CLASRP: variants seen among roughly 807,000 people sequenced by gnomAD.
The protein encoded by CLASRP is CLK4-associating serine/arginine rich protein.
A neutral mutation model predicts 99.9 loss-of-function variants in CLASRP; 52 were observed. The ratio of observed to expected loss-of-function variants is 0.52; its 90% CI spans 0.42 to 0.66. The LOEUF is 0.66. CLASRP is among the 30% of genes least tolerant of loss of function. The pLI, the probability that CLASRP is intolerant of heterozygous loss-of-function variation, is 0.00. For synonymous variants in CLASRP, 379 were observed against 373.0 expected (o/e 1.02, Z -0.18); for missense variants, 848 against 999.2 (o/e 0.85, Z 2.04).
rs576225653 is a variant in CLASRP at position 45,067,179 on chromosome 19, G to A, written c.1410-158G>A. Among the ~76,000 whole-genome samples the A allele has an allele frequency of 2.5e-4, 38 of 152,330 alleles. No homozygotes were observed. Among genetic ancestry groups the A allele is most frequent in the Non-Finnish European group, 4.3e-4 (29 of 68,024 alleles). ...GTAGCCGGAGGGAGGCCGGAATGCC[G>A]CTCTGGGACATTTTGGAGGGAGAGT... is the stretch of plus-strand genomic sequence containing the variant. On this transcript the variant is annotated intron_variant, in intron 13 of 20. Transcript: ENST00000221455. This position sits in a 1 kb window ranked among gnomAD's most constrained non-coding sequence, Gnocchi z 4.9.
At chr19:45,053,211 G>C (rs1307897336) in intron 5 of CLASRP, 34 bp downstream of exon 5, 1 of 1,607,474 alleles carries the variant, frequency 6.2e-7, no homozygotes, top group East Asian at 2.2e-5. Context: ...GGGGTGTGGG[G>C]TTTGAGCCTG....
rs73941104 is a variant in CLASRP, at chr19:45,052,667, G to A, written c.198-124G>A. 3.0e-3 allele frequency: 2,063 copies of A among 680,980 alleles called. 29 individuals carry two copies. The African/African-American group carries it at 0.035, about 12-fold the overall frequency. The allele number at this position is 680,980 out of a possible 1,614,324, so 42.2% of individuals were successfully genotyped here. Reference sequence around the variant, plus strand: ...GCTGGGGGTTGAGGTGAGGGTCATGGCATGGGGACCAAAGCAGGCTGAGGG... The same window carrying A: ...GCTGGGGGTTGAGGTGAGGGTCATGACATGGGGACCAAAGCAGGCTGAGGG... On this transcript the variant is annotated intron_variant, in intron 3 of 20. Transcript: ENST00000221455.
chr19:45,058,063 C>G (rs1043768298), intron 7 of CLASRP, 165 bp downstream of exon 7: 1 of 791,730 alleles, frequency 1.3e-6, no homozygotes, highest in Non-Finnish European at 2.0e-6. Flanking sequence ...CTCCTGTCCT[C>G]CTCCGTTCCG....
chr19:45,044,528 G>A (rs1568410980), intron 2 of CLASRP, among the ~76,000 whole-genome samples: 1 of 152,144 alleles, frequency 6.6e-6, no homozygotes, highest in Non-Finnish European at 1.5e-5. Flanking sequence ...ACCTCTCTAA[G>A]CTTTTCACCT....
In CLASRP at chr19:45,052,145, G is replaced by A; in HGVS notation, c.174G>A (p.Leu58=). 1 of 1,614,002 alleles carries A rather than the reference G, an allele frequency of 6.2e-7. No individual in the cohort carries two copies. The highest frequency in any genetic ancestry group is 8.5e-7 in the Non-Finnish European group (1 of 1,179,998). ...CKVHLDSAVA[L]AAESPVNMMP... ...TGCACCTGGATTCTGCAGTCGCCCTGGCCGCTGAGAGCCCTGTTAATATGT... is the reference window on the plus strand; with the variant it reads ...TGCACCTGGATTCTGCAGTCGCCCTAGCCGCTGAGAGCCCTGTTAATATGT... The change falls in exon 3 of 21, where the codon CTG becomes CTA. Residue 58 remains leucine, a synonymous_variant. Coordinates refer to ENST00000221455, the MANE Select transcript of CLASRP (RefSeq NM_007056.3).
chr19:45,066,461 C>T (rs980779250), intron 13 of CLASRP, among the ~76,000 whole-genome samples: 8 of 151,480 alleles, frequency 5.3e-5, no homozygotes, highest in Non-Finnish European at 7.4e-5. Flanking sequence ...TTTATAAAAA[C>T]GCAATTCAAA....
intron 19 of CLASRP, 119 bp from the exon 20 acceptor site, chr19:45,070,418 A>G: frequency 1.1e-6 from 1 of 901,034 alleles, no homozygotes; most frequent in South Asian, 1.3e-5. Flanking sequence ...ACTCTCTGGA[A>G]ATGTCCCCTC....
intron 11 of CLASRP, among the ~76,000 whole-genome samples, chr19:45,063,427 T>A (rs1469701382): frequency 6.8e-6 from 1 of 147,038 alleles, no homozygotes; most frequent in East Asian, 2.0e-4. Flanking sequence ...TGTACAGAGA[T>A]CTGCTTATCT....
At position 45,039,093 on chromosome 19, in the gene CLASRP, A is replaced by T. The variant is rs1337876345; in HGVS notation, c.-45A>T. 6.6e-6 allele frequency: 1 copy of T among 151,888 alleles called. No individual in the cohort carries two copies. Among genetic ancestry groups the T allele is most frequent in the Non-Finnish European group, 1.5e-5 (1 of 68,004 alleles). The allele number at this position is 151,888 out of a possible 1,614,324, so 9.4% of individuals were successfully genotyped here. ...GGCCGCGCGCGAGCGCAGCGGTGGG[A>T]GGCGGCGACCAGCCGGTGAGTGCAG... On this transcript the variant is annotated 5_prime_UTR_variant, in exon 1 of 21. Transcript: ENST00000221455.
intron 2 of CLASRP, among the ~76,000 whole-genome samples, chr19:45,048,161 T>C (rs1041927031): frequency 6.6e-6 from 1 of 151,942 alleles, no homozygotes; most frequent in Non-Finnish European, 1.5e-5. Context: ...TGGGTTCAAA[T>C]CCTAGTTCTG....
Position 45,057,800 on chromosome 19 carries a change from T to C in CLASRP, c.515T>C (p.Val172Ala). The C allele has an allele frequency of 8.1e-6, 13 of 1,613,980 alleles. No individual in the cohort carries two copies. The highest frequency in any genetic ancestry group is 1.1e-5 in the Non-Finnish European group (13 of 1,179,930). ...SIGYTYEDST[V>A]AEVEKAAEKP... ...GGTTATACCTACGAGGACAGCACGG[T>C]GGCCGAGGTAGAGAAGGCGGCAGAA... Residue 172 changes from valine (V) to alanine (A), a missense_variant, in exon 7 of 21, where the codon GTG becomes GCG. Physicochemically the swap from Val to Ala is moderately conservative, Grantham distance 64 (BLOSUM62 0). Around this residue, in one of 8 missense-constraint regions of CLASRP, gnomAD observed 119 missense variants for 170.2 expected, o/e 0.70. Coordinates refer to ENST00000221455, the MANE Select transcript of CLASRP (RefSeq NM_007056.3).
intron 6 of CLASRP, among the ~76,000 whole-genome samples, chr19:45,056,744 G>T (rs764365995): frequency 6.6e-6 from 1 of 152,190 alleles, no homozygotes; most frequent in Non-Finnish European, 1.5e-5. Flanking sequence ...TACATTTTCA[G>T]CTTGGGAAGT....
chr19:45,053,315 G>A, intron 5 of CLASRP, 138 bp downstream of exon 5: 2 of 752,452 alleles, frequency 2.7e-6, no homozygotes, highest in Non-Finnish European at 4.4e-6. Context: ...CTCTACGATA[G>A]ACTCACTTTG....
chr19:45,059,440 A>G, intron 8 of CLASRP, 76 bp downstream of exon 8: 1 of 1,214,524 alleles, frequency 8.2e-7, no homozygotes, highest in Non-Finnish European at 1.2e-6. Context: ...CCCGGTATTG[A>G]CAGCCATCCT....
rs1384853552 is a variant in CLASRP, at chr19:45,052,773, G to A, written c.198-18G>A. 1 of 1,593,566 alleles carries A rather than the reference G, an allele frequency of 6.3e-7. No homozygotes were observed. The highest frequency in any genetic ancestry group is 8.6e-7 in the Non-Finnish European group (1 of 1,164,366). On this transcript the variant is annotated intron_variant, in intron 3 of 20. Transcript: ENST00000221455. Reference sequence around the variant, plus strand: ...TGGACCCTGAGGTTCTTGCTTTCTTGCTCCCCTCCCACTTCAGGATGCCCT... The same window carrying A: ...TGGACCCTGAGGTTCTTGCTTTCTTACTCCCCTCCCACTTCAGGATGCCCT...
At chr19:45,045,252 A>C (rs1486043520) in intron 2 of CLASRP, among the ~76,000 whole-genome samples, 1 of 152,204 alleles carries the variant, frequency 6.6e-6, no homozygotes, top group African/African-American at 2.4e-5. Flanking sequence ...GCAGTGGCTC[A>C]CGCCTGTAAT....
In CLASRP at chr19:45,064,558, G is replaced by A. The variant is rs996616638; in HGVS notation, c.1337G>A (p.Gly446Asp). 66 of 1,539,266 alleles carry A rather than the reference G, an allele frequency of 4.3e-5. No individual in the cohort carries two copies. The highest frequency in any genetic ancestry group is 5.3e-5 in the Non-Finnish European group (61 of 1,146,912). ...CGTGGCCGGCGGCACTCAGGTGGGGGCTCCCGAGACGGACACCGGTACTCC... is the reference window on the plus strand; with the variant it reads ...CGTGGCCGGCGGCACTCAGGTGGGGACTCCCGAGACGGACACCGGTACTCC... ...RSRGRRHSGG[G>D]SRDGHRYSRS... The change falls in exon 13 of 21, where the codon GGC becomes GAC. Residue 446 changes from glycine to aspartate, a missense_variant. By Grantham distance (94) the Gly-to-Asp change is moderately conservative (BLOSUM62 -1). This residue lies in a region of CLASRP where 489 missense variants were observed against 434.7 expected (regional missense o/e 1.12). Transcript: ENST00000221455.
intron 10 of CLASRP, among the ~76,000 whole-genome samples, chr19:45,061,306 G>C (rs928943665): frequency 1.3e-5 from 2 of 152,214 alleles, no homozygotes; most frequent in East Asian, 1.9e-4. Context: ...ATTGCTGTCA[G>C]CGGTGGCACA....
intron 13 of CLASRP, 38 bp downstream of exon 13, chr19:45,064,668 G>A (rs1405036610): frequency 6.6e-7 from 1 of 1,509,268 alleles, no homozygotes; most frequent in Admixed American, 2.0e-5. Flanking sequence ...AGGGGCTGGG[G>A]GGGCGCGGTC....
Sources: gnomAD v4.1 joint callset for allele counts (sites outside exome capture counted in the v4.1 genomes callset) on GRCh38, gnomAD v4.1.1 for gene constraint, gnomAD v4.1.1 regional missense constraint, Gnocchi (gnomAD v3.1) non-coding constraint, MANE v1.5 for transcripts, NCBI Gene and HGNC (gene_info 2026-07-23, HGNC 2026-07-21) for gene names.